ARB2A: variants seen among roughly 807,000 people sequenced by gnomAD.
ARB2A encodes the protein ARB2 cotranscriptional regulator A.
At chr5:93,640,285 C>T in the ARB2A span, among the ~76,000 whole-genome samples, 1 of 150,930 alleles carries the variant, frequency 6.6e-6, no homozygotes, top group Non-Finnish European at 1.5e-5. Context: ...CTGATCTCTA[C>T]TAAAAATACA....
At chr5:93,699,098 A>G in the ARB2A span, among the ~76,000 whole-genome samples, 16 of 152,316 alleles carry the variant, frequency 1.1e-4, no homozygotes, top group Admixed American at 3.9e-4. Context: ...TACTCTTATC[A>G]GTTCTCAGGT....
chr5:93,834,640 CTTAGA>C, the ARB2A span, among the ~76,000 whole-genome samples: 13 of 152,172 alleles, frequency 8.5e-5, no homozygotes, highest in Middle Eastern at 3.4e-3. Flanking sequence ...AATTAATAAA[CTTAGA>C]TTAGTTTTAA....
the ARB2A span, among the ~76,000 whole-genome samples, chr5:93,961,661 CA>C: frequency 6.6e-6 from 1 of 151,520 alleles, no homozygotes; most frequent in Non-Finnish European, 1.5e-5. Flanking sequence ...TTAGCTTGTG[CA>C]ACAGAGTGAG....
chr5:93,668,849 G>C, the ARB2A span, among the ~76,000 whole-genome samples: 2 of 152,072 alleles, frequency 1.3e-5, no homozygotes, highest in Non-Finnish European at 2.9e-5. Context: ...AGAGACAATG[G>C]ATAGCTCTAC....
chr5:93,740,509 G>A, the ARB2A span: 1 of 1,476,302 alleles, frequency 6.8e-7, no homozygotes, highest in Non-Finnish European at 9.1e-7. Flanking sequence ...TGAACCCTAG[G>A]GACATTTCCT....
the ARB2A span, among the ~76,000 whole-genome samples, chr5:93,889,073 C>G: frequency 7.9e-5 from 12 of 151,414 alleles, 1 homozygote; most frequent in African/African-American, 2.7e-4. Context: ...CCTAAAATGT[C>G]TACATGAGAC....
the ARB2A span, among the ~76,000 whole-genome samples, chr5:94,020,031 T>C: frequency 6.6e-6 from 1 of 152,160 alleles, no homozygotes; most frequent in Non-Finnish European, 1.5e-5. Context: ...CCATCAATGA[T>C]AGACAGGATA....
chr5:93,782,986 G>C, the ARB2A span, among the ~76,000 whole-genome samples: 1 of 152,120 alleles, frequency 6.6e-6, no homozygotes, highest in Admixed American at 6.6e-5. Flanking sequence ...TTCAACTGCT[G>C]TCTAGTCAAT....
chr5:93,930,949 C>A, the ARB2A span, among the ~76,000 whole-genome samples: 365 of 152,252 alleles, frequency 2.4e-3, 1 homozygote, highest in African/African-American at 8.5e-3. Context: ...TTAAGCCCTG[C>A]ATGCATTAGC....
At chr5:93,822,329 G>A in the ARB2A span, among the ~76,000 whole-genome samples, 1 of 152,128 alleles carries the variant, frequency 6.6e-6, no homozygotes, top group Non-Finnish European at 1.5e-5. Context: ...GTGACAAGCA[G>A]GACGGGCAAA....
chr5:93,732,257 G>A, the ARB2A span, among the ~76,000 whole-genome samples: 1 of 152,128 alleles, frequency 6.6e-6, no homozygotes, highest in Non-Finnish European at 1.5e-5. Flanking sequence ...GTAATCACAG[G>A]AACTGACCTT....
chr5:93,794,650 G>A, the ARB2A span, among the ~76,000 whole-genome samples: 1 of 152,186 alleles, frequency 6.6e-6, no homozygotes, highest in Admixed American at 6.5e-5. Flanking sequence ...TAAGAATGGG[G>A]CTTCCTGAGA....
the ARB2A span, chr5:93,866,349 G>T: frequency 1.1e-6 from 1 of 930,292 alleles, no homozygotes; most frequent in Non-Finnish European, 1.3e-6. Flanking sequence ...ATTATGGGAG[G>T]AACAGTGTTT....
At chr5:93,852,451 T>A in the ARB2A span, among the ~76,000 whole-genome samples, 1 of 152,232 alleles carries the variant, frequency 6.6e-6, no homozygotes, top group South Asian at 2.1e-4. Context: ...AGAAGCTCTT[T>A]AGTTTCACTA....
At chr5:94,044,543 A>G in the ARB2A span, among the ~76,000 whole-genome samples, 2 of 152,052 alleles carry the variant, frequency 1.3e-5, no homozygotes, top group African/African-American at 2.4e-5. Context: ...AACCCTTAGG[A>G]TTAAGGGTTA....
the ARB2A span, among the ~76,000 whole-genome samples, chr5:93,843,243 G>C: frequency 1.3e-5 from 2 of 151,972 alleles, no homozygotes; most frequent in Admixed American, 1.3e-4. Flanking sequence ...AATATGAATA[G>C]ACTGCCAAAC....
At chr5:93,672,356 C>G in the ARB2A span, among the ~76,000 whole-genome samples, 1 of 151,476 alleles carries the variant, frequency 6.6e-6, no homozygotes, top group East Asian at 1.9e-4. Context: ...TGTCACGAGG[C>G]TGGAGTGCAA....
the ARB2A span, among the ~76,000 whole-genome samples, chr5:93,971,220 G>A: frequency 9.0e-4 from 137 of 152,030 alleles, 1 homozygote; most frequent in South Asian, 5.6e-3. Flanking sequence ...GGATGGTCTC[G>A]ATCTCCTGAC....
At chr5:94,038,895 A>T in the ARB2A span, among the ~76,000 whole-genome samples, 1 of 151,970 alleles carries the variant, frequency 6.6e-6, no homozygotes, top group African/African-American at 2.4e-5. Context: ...TCTTGAGCAT[A>T]TCAAAAGCTA....
Sources: allele counts gnomAD v4.1 joint callset (sites outside exome capture counted in the v4.1 genomes callset), GRCh38; gene constraint gnomAD v4.1.1; transcripts MANE v1.5; gene names NCBI Gene and HGNC (gene_info 2026-07-23, HGNC 2026-07-21).